Variants in TTC6 observed in about 807,000 individuals in gnomAD.
The protein encoded by TTC6 is tetratricopeptide repeat protein 6.
In TTC6, 172 loss-of-function variants were observed where a neutral mutation model predicts 210.4. The observed-to-expected ratio is 0.82, with a 90% CI of 0.72 to 0.93. The LOEUF is 0.93. TTC6 is among the 40% of genes least tolerant of loss of function. TTC6 has a pLI of 0.00. For missense variants in TTC6, 2,414 were observed against 2,318.1 expected (o/e 1.04, Z -0.85); for synonymous variants, 804 against 819.6 (o/e 0.98, Z 0.32).
At chr14:37,729,867 T>A (rs1241803913) in intron 7 of TTC6, among the ~76,000 whole-genome samples, 1 of 152,092 alleles carries the variant, frequency 6.6e-6, no homozygotes, top group East Asian at 1.9e-4. Flanking sequence ...TATAGGAAAG[T>A]GTGAATGTAG....
intron 1 of TTC6, among the ~76,000 whole-genome samples, chr14:37,654,598 A>G (rs1318798325): frequency 1.3e-5 from 2 of 152,146 alleles, no homozygotes; most frequent in African/African-American, 4.8e-5. Context: ...AGTCTCAGGT[A>G]TTTCTTTATA....
chr14:37,673,239 A>AG (rs2138494882), intron 1 of TTC6, among the ~76,000 whole-genome samples: 1 of 152,254 alleles, frequency 6.6e-6, no homozygotes, highest in African/African-American at 2.4e-5. Context: ...GCCTGTAAGG[A>AG]GGATTCCACA....
chr14:37,669,202 CT>C (rs934922796), intron 1 of TTC6, among the ~76,000 whole-genome samples: 3 of 152,180 alleles, frequency 2.0e-5, no homozygotes, highest in African/African-American at 7.2e-5. Context: ...TAGAATCTGG[CT>C]GTGAGCAAAA....
intron 1 of TTC6, among the ~76,000 whole-genome samples, chr14:37,625,570 A>C (rs574256184): frequency 1.3e-5 from 2 of 151,978 alleles, no homozygotes; most frequent in East Asian, 3.9e-4. Context: ...AAAAGAATGT[A>C]AGTATGCAAG....
chr14:37,699,181 G>A (rs1162184501), intron 4 of TTC6, among the ~76,000 whole-genome samples: 1 of 152,186 alleles, frequency 6.6e-6, no homozygotes, highest in Non-Finnish European at 1.5e-5. Flanking sequence ...CTTGTTTGAA[G>A]AATATTTAGA....
intron 26 of TTC6, 47 bp downstream of exon 28, chr14:37,817,698 G>A (rs1283403199): frequency 6.4e-7 from 1 of 1,559,074 alleles, no homozygotes; most frequent in Admixed American, 1.7e-5. Flanking sequence ...AGGACCATCA[G>A]ACTTATCTAA....
intron 1 of TTC6, among the ~76,000 whole-genome samples, chr14:37,605,257 C>T (rs965256447): frequency 2.0e-5 from 3 of 152,182 alleles, no homozygotes; most frequent in Non-Finnish European, 4.4e-5. Flanking sequence ...GCTGTGGATC[C>T]AGGACTCTTT....
At chr14:37,674,625 C>T (rs1160594979) in intron 1 of TTC6, among the ~76,000 whole-genome samples, 3 of 152,128 alleles carry the variant, frequency 2.0e-5, no homozygotes, top group Non-Finnish European at 4.4e-5. Context: ...AAAAGCAGAG[C>T]ACGTGTGCTC....
intron 9 of TTC6, among the ~76,000 whole-genome samples, chr14:37,738,360 G>A (rs1253545419): frequency 6.6e-6 from 1 of 151,792 alleles, no homozygotes; most frequent in African/African-American, 2.4e-5. Flanking sequence ...AAGCGCTTTT[G>A]AAAGAAAACC....
chr14:37,742,785 G>A (rs1404383367), intron 10 of TTC6, among the ~76,000 whole-genome samples: 1 of 152,040 alleles, frequency 6.6e-6, no homozygotes, highest in Non-Finnish European at 1.5e-5. Context: ...GATGTTCTAG[G>A]AGCAAGAACT....
intron 2 of TTC6, among the ~76,000 whole-genome samples, chr14:37,616,933 G>A (rs1344081456): frequency 2.0e-5 from 3 of 152,082 alleles, no homozygotes; most frequent in Non-Finnish European, 4.4e-5. Context: ...CTGGAGTGCA[G>A]TGGCACAATG....
At chr14:37,743,356 T>C (rs35427651) in intron 10 of TTC6, among the ~76,000 whole-genome samples, 6,790 of 152,330 alleles carry the variant, frequency 0.045, 229 homozygotes, top group Non-Finnish European at 0.07. Flanking sequence ...GGTCTGCATT[T>C]CCTTTCCTTT....
At chr14:37,750,925 C>A in intron 12 of TTC6, 128 bp from the exon 15 acceptor site, 1 of 505,258 alleles carries the variant, frequency 2.0e-6, no homozygotes, top group Non-Finnish European at 3.3e-6. Flanking sequence ...ATAAGATAAA[C>A]TAATAAGAAA....
At chr14:37,791,743 A>G (rs1243001627) in intron 16 of TTC6, among the ~76,000 whole-genome samples, 2 of 152,202 alleles carry the variant, frequency 1.3e-5, no homozygotes, top group Non-Finnish European at 2.9e-5. Flanking sequence ...GGCATCAAAC[A>G]TGATAATTTC....
chr14:37,751,223 A>G, exon 13 of TTC6: 1 of 1,519,792 alleles, frequency 6.6e-7, no homozygotes, highest in Non-Finnish European at 8.8e-7. Context: ...TGACTTTTCG[A>G]AAGTAAGCTT....
At chr14:37,831,514 C>T (rs2096185109) in intron 29 of TTC6, among the ~76,000 whole-genome samples, 1 of 152,068 alleles carries the variant, frequency 6.6e-6, no homozygotes, top group Non-Finnish European at 1.5e-5. Context: ...CATAGTAGCT[C>T]TACTAATTTA....
At chr14:37,825,002 A>G (rs905474332) in intron 27 of TTC6, among the ~76,000 whole-genome samples, 1 of 152,178 alleles carries the variant, frequency 6.6e-6, no homozygotes, top group Non-Finnish European at 1.5e-5. Context: ...CACTGGGTGT[A>G]TAGCAACCTG....
intron 14 of TTC6, 63 bp from the exon 17 acceptor site, chr14:37,787,405 G>T (rs1193445809): frequency 6.9e-6 from 8 of 1,165,832 alleles, no homozygotes; most frequent in Non-Finnish European, 9.1e-6. Context: ...AGTTGTACAG[G>T]TTTACCAAAA....
chr14:37,699,024 C>G (rs1282858781), intron 4 of TTC6, among the ~76,000 whole-genome samples: 1 of 152,094 alleles, frequency 6.6e-6, no homozygotes, highest in Non-Finnish European at 1.5e-5. Flanking sequence ...CAGTGCCAGC[C>G]ATATTGAGTG....
Sources: gnomAD v4.1 joint callset for allele counts (sites outside exome capture counted in the v4.1 genomes callset) on GRCh38, gnomAD v4.1.1 for gene constraint, MANE v1.5 for transcripts, NCBI Gene and HGNC (gene_info 2026-07-23, HGNC 2026-07-21) for gene names.